SHROOM3: variants seen among roughly 807,000 people sequenced by gnomAD.
SHROOM3 encodes protein Shroom3.
SHROOM3 carries 47 observed loss-of-function variants against 138.6 expected under a neutral mutation model. The observed-to-expected ratio is 0.34, with a 90% CI of 0.27 to 0.43. SHROOM3 has a LOEUF of 0.43. SHROOM3 is among the 20% of genes least tolerant of loss of function. The probability of loss-of-function intolerance (pLI) is 1.00; values close to 1 mark genes in which losing one functional copy is unlikely to be tolerated. For synonymous variants in SHROOM3, 1,062 were observed against 1,063.3 expected (o/e 1.00, Z 0.02); for missense variants, 2,491 against 2,596.5 (o/e 0.96, Z 0.88).
At chr4:76,773,112 C>A (rs538392888) in intron 10 of SHROOM3, among the ~76,000 whole-genome samples, 6 of 152,064 alleles carry the variant, frequency 3.9e-5, no homozygotes, top group African/African-American at 1.4e-4. Context: ...TGCAGTGGCT[C>A]ACACCTGTAA....
intron 4 of SHROOM3, among the ~76,000 whole-genome samples, 189 bp downstream of exon 4, chr4:76,731,124 G>C (rs1003920676): frequency 1.3e-5 from 2 of 152,092 alleles, no homozygotes. Flanking sequence ...TATATGCTTG[G>C]CTAGATCAAC....
At chr4:76,585,530 G>T (rs553012577) in intron 2 of SHROOM3, among the ~76,000 whole-genome samples, 1 of 152,056 alleles carries the variant, frequency 6.6e-6, no homozygotes, top group Non-Finnish European at 1.5e-5. Flanking sequence ...GAAGGATTGC[G>T]GTTTCAGGGC....
intron 1 of SHROOM3, among the ~76,000 whole-genome samples, chr4:76,482,602 C>T (rs143715222): frequency 6.6e-6 from 1 of 152,112 alleles, no homozygotes; most frequent in Non-Finnish European, 1.5e-5. Context: ...CCAATGCTAT[C>T]CCCATCAATC....
intron 2 of SHROOM3, among the ~76,000 whole-genome samples, chr4:76,652,817 A>G (rs992568260): frequency 1.3e-5 from 2 of 151,924 alleles, no homozygotes; most frequent in Non-Finnish European, 2.9e-5. Context: ...GTATATATAT[A>G]CATATACACA....
At chr4:76,453,255 A>G (rs116665561) in intron 1 of SHROOM3, among the ~76,000 whole-genome samples, 2 of 151,636 alleles carry the variant, frequency 1.3e-5, no homozygotes, top group African/African-American at 4.8e-5. Flanking sequence ...GATATTTTCT[A>G]TCTTAATTTT....
intron 1 of SHROOM3, among the ~76,000 whole-genome samples, chr4:76,494,554 TA>T (rs1731925497): frequency 6.6e-6 from 1 of 152,150 alleles, no homozygotes; most frequent in Admixed American, 6.5e-5. Context: ...GTCATTATAT[TA>T]AAAGTAGCAA....
intron 1 of SHROOM3, among the ~76,000 whole-genome samples, chr4:76,489,234 T>C (rs1260330724): frequency 1.3e-5 from 2 of 152,248 alleles, no homozygotes; most frequent in African/African-American, 4.8e-5. Flanking sequence ...TTTCAAGATA[T>C]GCAATTTTTT....
chr4:76,533,045 A>G (rs1732865821), intron 1 of SHROOM3, among the ~76,000 whole-genome samples: 1 of 152,212 alleles, frequency 6.6e-6, no homozygotes, highest in Non-Finnish European at 1.5e-5. Context: ...GGAGTTGCAC[A>G]GTGCAAGATT....
At chr4:76,593,855 C>T (rs1315733399) in intron 2 of SHROOM3, among the ~76,000 whole-genome samples, 5 of 152,070 alleles carry the variant, frequency 3.3e-5, no homozygotes, top group South Asian at 2.1e-4. Flanking sequence ...TCCTGGTGCC[C>T]GGAACCCCAG....
chr4:76,712,714 A>T (rs554361025), intron 3 of SHROOM3, among the ~76,000 whole-genome samples: 58 of 152,330 alleles, frequency 3.8e-4, no homozygotes, highest in Non-Finnish European at 6.5e-4. Flanking sequence ...TAAGAATTTT[A>T]CATGTATGTG....
chr4:76,750,379 G>C (rs1260298456), intron 6 of SHROOM3, among the ~76,000 whole-genome samples: 1 of 152,170 alleles, frequency 6.6e-6, no homozygotes, highest in Admixed American at 6.5e-5. Context: ...GGATGGAGCT[G>C]AAGGCCATTA....
intron 1 of SHROOM3, among the ~76,000 whole-genome samples, chr4:76,489,644 T>A (rs1452816831): frequency 1.3e-5 from 2 of 152,190 alleles, no homozygotes; most frequent in Non-Finnish European, 2.9e-5. Flanking sequence ...GAGGTTTTCC[T>A]GATGACAAAA....
At chr4:76,708,094 G>C (rs1029540031) in intron 2 of SHROOM3, among the ~76,000 whole-genome samples, 7 of 152,162 alleles carry the variant, frequency 4.6e-5, no homozygotes, top group African/African-American at 1.7e-4. Flanking sequence ...AATTTCAGCT[G>C]GTCCTGTAGA....
intron 1 of SHROOM3, among the ~76,000 whole-genome samples, chr4:76,527,019 G>A (rs984584995): frequency 1.3e-5 from 2 of 152,056 alleles, no homozygotes; most frequent in African/African-American, 2.4e-5. Context: ...CCACCCGATC[G>A]GAGGCAGAGA....
At chr4:76,564,397 A>G (rs76462582) in intron 2 of SHROOM3, among the ~76,000 whole-genome samples, 3,402 of 152,268 alleles carry the variant, frequency 0.022, 120 homozygotes, top group African/African-American at 0.077. Context: ...GGCATCATGG[A>G]AATTTGCTCA....
chr4:76,463,999 C>T (rs1220198607), intron 1 of SHROOM3, among the ~76,000 whole-genome samples: 2 of 152,190 alleles, frequency 1.3e-5, no homozygotes, highest in African/African-American at 2.4e-5. Context: ...CATCAGAGTC[C>T]CCACACAGAG....
intron 2 of SHROOM3, among the ~76,000 whole-genome samples, chr4:76,575,244 T>A (rs750380408): frequency 6.6e-6 from 1 of 152,116 alleles, no homozygotes; most frequent in Non-Finnish European, 1.5e-5. Flanking sequence ...CCACAACTAG[T>A]ATCACACTGA....
chr4:76,490,339 T>G (rs926802330), intron 1 of SHROOM3, among the ~76,000 whole-genome samples: 1 of 152,194 alleles, frequency 6.6e-6, no homozygotes, highest in Admixed American at 6.5e-5. Flanking sequence ...TCTGATTTGT[T>G]GTGGACAGCC....
At chr4:76,608,539 GCATAGCATAGCATAGCATAGCATAGCATA>G (rs1734672012) in intron 2 of SHROOM3, among the ~76,000 whole-genome samples, 2 of 22,168 alleles carry the variant, frequency 9.0e-5, no homozygotes, top group East Asian at 1.8e-3. Flanking sequence ...GCATAGCATA[GCATAGCATAGCATAGCATAGCATAGCATA>G]GCATAGCATA....
Sources: gnomAD v4.1 joint callset for allele counts (sites outside exome capture counted in the v4.1 genomes callset) on GRCh38, gnomAD v4.1.1 for gene constraint, MANE v1.5 for transcripts, NCBI Gene and HGNC (gene_info 2026-07-23, HGNC 2026-07-21) for gene names.